The following ASTN1 variants were observed in gnomAD, a reference collection of about 807,000 sequenced individuals.
ASTN1 encodes astrotactin 1, also known as astrotactin-1.
In ASTN1, 41 loss-of-function variants were observed where a neutral mutation model predicts 140.7. The ratio of observed to expected loss-of-function variants is 0.29; its 90% confidence interval spans 0.23 to 0.38. The LOEUF (loss-of-function observed/expected upper bound fraction) is 0.38, where lower values mean the gene tolerates loss of function less well. Among genes scored for constraint, ASTN1 ranks in the 10% least tolerant of loss-of-function variants. ASTN1 has a pLI of 1.00. For synonymous variants in ASTN1, 640 were observed against 652.2 expected, an observed-to-expected ratio of 0.98 and a Z score of 0.29; for missense variants, 1,479 against 1,678.8, an observed-to-expected ratio of 0.88 and a Z score of 2.08.
intron 4 of ASTN1, 42 bp downstream of exon 4, chr1:177,030,764 T>C (rs1032910775): frequency 5.6e-6 from 9 of 1,611,776 alleles, no homozygotes; most frequent in Non-Finnish European, 7.6e-6. Context: ...TCTACCAATA[T>C]GAAGGAATCC....
At chr1:177,126,702 G>A (rs932359185) in intron 1 of ASTN1, among the ~76,000 whole-genome samples, 1 of 152,154 alleles carries the variant, frequency 6.6e-6, no homozygotes, top group Admixed American at 6.6e-5. Flanking sequence ...TGAAGCAAAG[G>A]CCATTATGAT....
intron 16 of ASTN1, among the ~76,000 whole-genome samples, chr1:176,902,947 G>T (rs1439865111): frequency 6.6e-6 from 1 of 152,226 alleles, no homozygotes; most frequent in Non-Finnish European, 1.5e-5. Flanking sequence ...ACTCCTCAAA[G>T]GAAGTCTTCT....
chr1:176,981,163 G>A (rs183626687), intron 8 of ASTN1, among the ~76,000 whole-genome samples: 173 of 117,334 alleles, frequency 1.5e-3, no homozygotes, highest in African/African-American at 5.5e-3. Flanking sequence ...AGTGAGCCAA[G>A]ATTGCACCAC....
At position 176,994,054 on chromosome 1, in the gene ASTN1, C is replaced by T. The variant is rs560411726; in HGVS notation, c.1523+20737G>A. On this transcript the variant is annotated intron_variant, in intron 8 of 22. Transcript: ENST00000361833. ...GTGTGTGAATGTGGTGAATAGCCTC[C>T]GCTTCGTTCATTCTGATATTATGGA... 2.2e-3 allele frequency among the ~76,000 whole-genome samples: 271 copies of T among 124,258 alleles called. 1 individual carries two copies. Among genetic ancestry groups the T allele is most frequent in the African/African-American group, 7.0e-3 (224 of 32,026 alleles). 81.5% of individuals were successfully genotyped at this position (124,258 alleles called of 152,430 possible). A position where few individuals can be genotyped will look rare whatever the true frequency, so the allele number is the denominator to read the frequency against.
At chr1:176,948,516 C>T (rs896225260) in intron 12 of ASTN1, among the ~76,000 whole-genome samples, 1 of 152,206 alleles carries the variant, frequency 6.6e-6, no homozygotes, top group African/African-American at 2.4e-5. Context: ...TCACCATCTT[C>T]CCAGCTTTGA....
At chr1:177,091,087 T>TA (rs1679727566) in intron 1 of ASTN1, among the ~76,000 whole-genome samples, 1 of 151,982 alleles carries the variant, frequency 6.6e-6, no homozygotes. Context: ...TGAAAAAAAA[T>TA]AAACTTCTGA....
At chr1:177,149,635 A>ATAGTAAATATATATACACTGTATATATG (rs1294507081) in intron 1 of ASTN1, among the ~76,000 whole-genome samples, 1 of 89,372 alleles carries the variant, frequency 1.1e-5, no homozygotes, top group Non-Finnish European at 1.8e-5. Context: ...CTGTATATAT[A>ATAGTAAATATATATACACTGTATATATG]TAGTAAATAT....
chr1:176,863,668 G>A lies in ASTN1; in HGVS notation c.*616C>T, dbSNP rs1668037516. On this transcript the variant is annotated 3_prime_UTR_variant, in exon 23 of 23. Coordinates refer to ENST00000361833, the MANE Select transcript of ASTN1 (RefSeq NM_004319.3). Reference sequence around the variant, plus strand: ...CTCAAAACCCAAGTGGCCCACTGGGGCCTATAATGAAAGCTGGTTTCACCT... The same window carrying A: ...CTCAAAACCCAAGTGGCCCACTGGGACCTATAATGAAAGCTGGTTTCACCT... The A allele has an allele frequency of 2.0e-6, 2 of 985,622 alleles. No individual in the cohort carries two copies. Among genetic ancestry groups the A allele is most frequent in the African/African-American group, 1.7e-5 (1 of 57,230 alleles). The allele number at this position is 985,622 out of a possible 1,614,324, so 61.1% of individuals were successfully genotyped here. A position where few individuals can be genotyped will look rare whatever the true frequency, so the allele number is the denominator to read the frequency against.
chr1:176,905,896 T>C (rs1669977985), intron 16 of ASTN1, among the ~76,000 whole-genome samples: 1 of 152,196 alleles, frequency 6.6e-6, no homozygotes, highest in Non-Finnish European at 1.5e-5. Flanking sequence ...TTCATGTGGC[T>C]CTGACTGGGT....
chr1:176,898,144 C>T (rs1036989939), intron 16 of ASTN1, among the ~76,000 whole-genome samples: 1 of 152,182 alleles, frequency 6.6e-6, no homozygotes, highest in Non-Finnish European at 1.5e-5. Context: ...CCCTCAAAGC[C>T]CTTCAGTTCT....
intron 1 of ASTN1, among the ~76,000 whole-genome samples, chr1:177,080,746 G>C (rs1366671952): frequency 6.6e-6 from 1 of 152,160 alleles, no homozygotes. Context: ...GTGTAGTGAA[G>C]GGGAAAGAGA....
intron 2 of ASTN1, among the ~76,000 whole-genome samples, chr1:177,048,111 T>C (rs914607754): frequency 2.0e-5 from 3 of 152,084 alleles, no homozygotes; most frequent in African/African-American, 4.8e-5. Context: ...GAAAACGAAC[T>C]TCAGAATCAA....
intron 1 of ASTN1, among the ~76,000 whole-genome samples, chr1:177,158,911 A>G (rs1683362725): frequency 6.6e-6 from 1 of 150,682 alleles, no homozygotes; most frequent in African/African-American, 2.4e-5. Flanking sequence ...TACAAAAAAA[A>G]AAAAAAATAG....
At chr1:177,157,681 G>A (rs981067433) in intron 1 of ASTN1, among the ~76,000 whole-genome samples, 1 of 151,980 alleles carries the variant, frequency 6.6e-6, no homozygotes, top group Non-Finnish European at 1.5e-5. Flanking sequence ...ATCAGGAACT[G>A]CTAGAAGCTT....
intron 2 of ASTN1, among the ~76,000 whole-genome samples, chr1:177,057,298 A>G (rs1232577689): frequency 6.6e-6 from 1 of 152,214 alleles, no homozygotes; most frequent in African/African-American, 2.4e-5. Flanking sequence ...CTGATGGTCG[A>G]TTTATACTGG....
chr1:177,160,926 C>G (rs1647324462), intron 1 of ASTN1, among the ~76,000 whole-genome samples: 1 of 152,158 alleles, frequency 6.6e-6, no homozygotes, highest in South Asian at 2.1e-4. Flanking sequence ...GGCACAGAAC[C>G]ATCAGTATCT....
intron 5 of ASTN1, chr1:177,029,423 A>G (rs756247271): frequency 4.0e-6 from 3 of 749,296 alleles, no homozygotes; most frequent in Non-Finnish European, 7.5e-6. Flanking sequence ...TGAGAGTGCC[A>G]TTATCTGGGA....
chr1:177,026,606 T>C (rs1676127771), intron 5 of ASTN1, among the ~76,000 whole-genome samples: 1 of 152,208 alleles, frequency 6.6e-6, no homozygotes, highest in Non-Finnish European at 1.5e-5. Context: ...ATAGTGGTTG[T>C]ACCAATTTAC....
chr1:177,044,212 C>T (rs1023441366), intron 2 of ASTN1, among the ~76,000 whole-genome samples: 13 of 151,840 alleles, frequency 8.6e-5, no homozygotes, highest in African/African-American at 3.1e-4. Flanking sequence ...CATACACACA[C>T]ACCCAACTGC....
Sources: gnomAD v4.1 joint callset for allele counts (sites outside exome capture counted in the v4.1 genomes callset) on GRCh38, gnomAD v4.1.1 for gene constraint, MANE v1.5 for transcripts, NCBI Gene and HGNC (gene_info 2026-07-23, HGNC 2026-07-21) for gene names.